Variants in DNM1L observed in about 807,000 individuals in gnomAD.
The protein encoded by DNM1L is dynamin 1L.
A neutral mutation model predicts 92.8 loss-of-function variants in DNM1L; 33 were observed. The ratio of observed to expected loss-of-function variants is 0.36; its 90% CI spans 0.27 to 0.48. The LOEUF is 0.48. DNM1L is among the 20% of genes least tolerant of loss of function. DNM1L has a pLI of 0.99. For missense variants in DNM1L, 485 were observed against 888.8 expected, an observed-to-expected ratio of 0.55 and a Z score of 5.78; for synonymous variants, 284 against 305.0, an observed-to-expected ratio of 0.93 and a Z score of 0.72.
At chr12:32,701,590 T>C (rs1206004589) in intron 2 of DNM1L, 28 bp downstream of exon 2, 1 of 1,577,172 alleles carries the variant, frequency 6.3e-7, no homozygotes, top group Non-Finnish European at 8.7e-7. Context: ...GATAATTATT[T>C]TACAGCTCTT....
At chr12:32,741,586 A>C (rs145610333) in intron 18 of DNM1L, among the ~76,000 whole-genome samples, 1,750 of 152,318 alleles carry the variant, frequency 0.011, 22 homozygotes, top group Non-Finnish European at 0.019. Context: ...CACCCGGCTC[A>C]CTTAATGTTT....
intron 1 of DNM1L, among the ~76,000 whole-genome samples, chr12:32,681,755 T>C (rs944828995): frequency 1.3e-5 from 2 of 152,056 alleles, no homozygotes; most frequent in Non-Finnish European, 2.9e-5. Flanking sequence ...ATGAAGTAAT[T>C]GTAGTGAGTG....
chr12:32,696,394 A>T (rs2389083), intron 1 of DNM1L, among the ~76,000 whole-genome samples: 2 of 124,276 alleles, frequency 1.6e-5, no homozygotes, highest in African/African-American at 3.2e-5. Flanking sequence ...ACACACACAC[A>T]CACACACACA....
intron 3 of DNM1L, among the ~76,000 whole-genome samples, chr12:32,707,848 G>T (rs907511313): frequency 6.6e-6 from 1 of 152,006 alleles, no homozygotes; most frequent in Admixed American, 6.6e-5. Flanking sequence ...CTACTTGGAA[G>T]GCTGAGTCGG....
chr12:32,721,480 T>C (rs1425573630), intron 8 of DNM1L, among the ~76,000 whole-genome samples: 1 of 152,238 alleles, frequency 6.6e-6, no homozygotes, highest in African/African-American at 2.4e-5. Context: ...ATTGCAGTAA[T>C]ATGAAAATAA....
chr12:32,709,899 A>G (rs181389494), intron 4 of DNM1L, among the ~76,000 whole-genome samples: 1 of 152,330 alleles, frequency 6.6e-6, no homozygotes, highest in East Asian at 1.9e-4. Context: ...AAAATAGCAA[A>G]TATAATTGTA....
At chr12:32,741,303 T>A (rs1056799601) in intron 18 of DNM1L, among the ~76,000 whole-genome samples, 4 of 152,244 alleles carry the variant, frequency 2.6e-5, no homozygotes, top group African/African-American at 9.6e-5. Context: ...AAGGTGTTTT[T>A]GAGATGGAGT....
intron 1 of DNM1L, among the ~76,000 whole-genome samples, chr12:32,695,878 A>C (rs1035042337): frequency 6.6e-6 from 1 of 152,254 alleles, no homozygotes; most frequent in African/African-American, 2.4e-5. Context: ...ATAATACCTT[A>C]TGAGGGAAAG....
intron 16 of DNM1L, chr12:32,739,770 G>A (rs1955153260): frequency 2.7e-6 from 1 of 365,160 alleles, no homozygotes; most frequent in Admixed American, 4.0e-5. Flanking sequence ...TGAAGGGTGG[G>A]AGAAGAGGAA....
At chr12:32,692,510 A>AGG (rs1236862759) in intron 1 of DNM1L, 1 of 153,108 alleles carries the variant, frequency 6.5e-6, no homozygotes, top group Admixed American at 6.5e-5. Context: ...CATTTTATTC[A>AGG]CACTTGAACT....
At position 32,745,221 on chromosome 12, in the gene DNM1L, G is replaced by A. The variant is rs1955576156; in HGVS notation, c.*1811G>A. 4.6e-6 allele frequency: 1 copy of A among 219,142 alleles called. No individual in the cohort carries two copies. The highest frequency in any genetic ancestry group is 5.7e-5 in the South Asian group (1 of 17,422). The allele number at this position is 219,142 out of a possible 1,614,324, so 13.6% of individuals were successfully genotyped here. A position where few individuals can be genotyped will look rare whatever the true frequency, so the allele number is the denominator to read the frequency against. Reference sequence around the variant, plus strand: ...ATTAAGCATCAGTTTCAAAATTATAGCCATTCATGATTTACTTTTTCCAGA... The same window carrying A: ...ATTAAGCATCAGTTTCAAAATTATAACCATTCATGATTTACTTTTTCCAGA... On this transcript the variant is annotated 3_prime_UTR_variant, in exon 20 of 20. Transcript: ENST00000549701.
At position 32,737,756 on chromosome 12, in the gene DNM1L, A is replaced by G. The variant is rs1039727922; in HGVS notation, c.1597-109A>G. The G allele has an allele frequency of 4.9e-6, 4 of 823,372 alleles. No homozygotes were observed. In the African/African-American group the frequency reaches 6.7e-5, roughly 14 times the overall value. The allele number at this position is 823,372 out of a possible 1,614,324, so 51.0% of individuals were successfully genotyped here. ...TCTCCCATGATTATTTTCATCTTTC[A>G]TGTTATTTTACGATTTCATTACAGA... On this transcript the variant is annotated intron_variant, in intron 14 of 19. Coordinates refer to ENST00000549701, the MANE Select transcript of DNM1L (RefSeq NM_012062.5).
chr12:32,705,865 T>C, intron 2 of DNM1L: 1 of 1,597,892 alleles, frequency 6.3e-7, no homozygotes. Context: ...TTTCTAAAGG[T>C]TTCCTTTATC....
chr12:32,731,803 T>TAAAAAAA lies in DNM1L; in HGVS notation c.1357-47_1357-41dup, dbSNP rs371431671. 1.7e-6 allele frequency: 2 copies of TAAAAAAA among 1,174,012 alleles called. No individual in the cohort carries two copies. The highest frequency in any genetic ancestry group is 1.7e-5 in the African/African-American group (1 of 57,872). The allele number at this position is 1,174,012 out of a possible 1,614,324, so 72.7% of individuals were successfully genotyped here. ...AGGATGGCTTAGTGAGACTATGACT[T>TAAAAAAA]AAAAAAAAAACAAAAAACAAACACG... On this transcript the variant is annotated intron_variant, in intron 11 of 19. Transcript: ENST00000549701. The surrounding 1 kb of genome is among the most constrained non-coding windows in gnomAD (Gnocchi z 5.1).
In DNM1L at chr12:32,738,411, T is replaced by G. The variant is rs1381581161; in HGVS notation, c.1707+115T>G. ...AGTGGTATCTATCTCTTGTCTGTGT[T>G]ATGTTCTTAATGTTCCTTTTATCTA... is the stretch of plus-strand genomic sequence containing the variant. On this transcript the variant is annotated intron_variant, in intron 16 of 19. Transcript: ENST00000549701. 8 of 1,180,810 alleles carry G rather than the reference T, an allele frequency of 6.8e-6. No homozygotes were observed. The East Asian group carries it at 1.7e-4, about 25-fold the overall frequency. The allele number at this position is 1,180,810 out of a possible 1,614,324, so 73.1% of individuals were successfully genotyped here. A position where few individuals can be genotyped will look rare whatever the true frequency, so the allele number is the denominator to read the frequency against.
At chr12:32,743,219 A>G (rs184076088) in intron 19 of DNM1L, 135 bp from the exon 20 acceptor site, 1 of 779,826 alleles carries the variant, frequency 1.3e-6, no homozygotes, top group Non-Finnish European at 2.1e-6. Context: ...TTCTAATTCC[A>G]GAGAAGATAT....
rs755697908 is a variant in DNM1L, at chr12:32,740,424, C to T, written c.1900C>T (p.Arg634Ter). 3.1e-6 allele frequency: 5 copies of T among 1,613,754 alleles called. No individual in the cohort carries two copies. Among genetic ancestry groups the T allele is most frequent in the African/African-American group, 1.3e-5 (1 of 74,900 alleles). ...NLLDVPVPVA[R>*]KLSAREQRDC... ...CCCTATTTAGCCAGTTCCTGTTGCA[C>T]GAAAACTATCTGCTCGGGAACAGCG... The change falls in exon 18 of 20, where the codon CGA (arginine) becomes TGA (stop). Residue 634 changes from arginine (R) to a stop codon, truncating the protein, a stop_gained. Transcript: ENST00000549701. LOFTEE classifies it high-confidence loss of function.
At chr12:32,685,124 A>G (rs2137214663) in intron 1 of DNM1L, among the ~76,000 whole-genome samples, 1 of 151,746 alleles carries the variant, frequency 6.6e-6, no homozygotes, top group African/African-American at 2.4e-5. Context: ...TTTTTAGTAG[A>G]GACAGGGTTT....
At position 32,731,334 on chromosome 12, in the gene DNM1L, G is replaced by C. The variant is rs773892591; in HGVS notation, c.1201-22G>C. 1.2e-5 allele frequency: 20 copies of C among 1,613,848 alleles called. No homozygotes were observed. Among genetic ancestry groups the C allele is most frequent in the African/African-American group, 2.7e-5 (2 of 74,902 alleles). The stretch of plus-strand genomic sequence containing the variant: ...AACTGAAATTACATATATAATAAGA[G>C]TTCTAAGTTTTATTTTCTCAGGGTC... On this transcript the variant is annotated intron_variant, in intron 10 of 19. Transcript: ENST00000549701. The surrounding 1 kb of genome is among the most constrained non-coding windows in gnomAD (Gnocchi z 5.1).
Sources: gnomAD v4.1 joint callset for allele counts (sites outside exome capture counted in the v4.1 genomes callset) on GRCh38, gnomAD v4.1.1 for gene constraint, Gnocchi (gnomAD v3.1) non-coding constraint, MANE v1.5 for transcripts, NCBI Gene and HGNC (gene_info 2026-07-23, HGNC 2026-07-21) for gene names.